Variants in NYAP2 observed in about 807,000 individuals in gnomAD.
The protein encoded by NYAP2 is neuronal tyrosine-phosphorylated phosphoinositide-3-kinase adapter 2.
In NYAP2, 23 loss-of-function variants were observed where a neutral mutation model predicts 50.4. The observed-to-expected ratio is 0.46, with a 90% CI of 0.33 to 0.65. The LOEUF is 0.65. Ranked by LOEUF, NYAP2 falls within the 30% of genes least tolerant of loss-of-function variation. The pLI is 0.02. For synonymous variants in NYAP2, 394 were observed against 365.2 expected, an observed-to-expected ratio of 1.08 and a Z score of -0.90; for missense variants, 885 against 861.0, an observed-to-expected ratio of 1.03 and a Z score of -0.35.
rs565596766 is a variant in NYAP2 at position 225,432,047 on chromosome 2, G to A, written c.221+22946G>A. ...TGCAGTGGCACGCTCTCGGCTCACT[G>A]CAAGCTCCGTCTCCCAGGTTCATGC... On this transcript the variant is annotated intron_variant, in intron 3 of 6. Coordinates refer to ENST00000636099, the Ensembl canonical transcript of NYAP2. Among the ~76,000 whole-genome samples, 161 of 151,956 alleles carry A rather than the reference G, an allele frequency of 1.1e-3. 2 individuals carry two copies. Among genetic ancestry groups the A allele is most frequent in the Middle Eastern group, 6.9e-3 (2 of 288 alleles).
At chr2:225,527,390 G>A (rs753274055) in intron 4 of NYAP2, among the ~76,000 whole-genome samples, 3 of 152,174 alleles carry the variant, frequency 2.0e-5, no homozygotes, top group Admixed American at 2.0e-4. Flanking sequence ...GTCAGCTCAG[G>A]ATTTTCCAAG....
upstream of NYAP2, among the ~76,000 whole-genome samples, chr2:225,398,972 TAGAC>T (rs1314997321): frequency 3.9e-5 from 6 of 152,108 alleles, no homozygotes; most frequent in Admixed American, 1.3e-4. Flanking sequence ...ATTTAAGAAT[TAGAC>T]AGGTGAACTT....
intron 6 of NYAP2, among the ~76,000 whole-genome samples, chr2:225,635,929 A>T (rs1469130499): frequency 1.3e-5 from 2 of 152,238 alleles, no homozygotes; most frequent in South Asian, 2.1e-4. Flanking sequence ...GCAAATGTGT[A>T]CATCTTCTCT....
At chr2:225,626,419 C>A (rs560392193) in intron 5 of NYAP2, among the ~76,000 whole-genome samples, 76 of 152,192 alleles carry the variant, frequency 5.0e-4, no homozygotes, top group African/African-American at 1.8e-3. Context: ...CAGAACAGGA[C>A]ACAGGAGGAT....
intron 5 of NYAP2, among the ~76,000 whole-genome samples, chr2:225,612,470 C>T (rs1692906933): frequency 6.6e-6 from 1 of 152,034 alleles, no homozygotes; most frequent in African/African-American, 2.4e-5. Flanking sequence ...CGTTGAGACC[C>T]TTGGTGAGTT....
rs144639911 is a variant in NYAP2, at chr2:225,432,393, G to T, written c.221+23292G>T. ...TATATATATATGTTCAGATTTGATA[G>T]AAAAGGCAGTGTAAATAAAATCAAC... On this transcript the variant is annotated intron_variant, in intron 3 of 6. Transcript: ENST00000636099. Among the ~76,000 whole-genome samples the T allele has an allele frequency of 5.7e-3, 858 of 150,368 alleles. 8 individuals are homozygous for T. The highest frequency in any genetic ancestry group is 0.02 in the African/African-American group (802 of 41,128).
intron 4 of NYAP2, among the ~76,000 whole-genome samples, chr2:225,552,282 A>G (rs1377217025): frequency 6.6e-6 from 1 of 152,206 alleles, no homozygotes; most frequent in African/African-American, 2.4e-5. Context: ...ACTTGAACAC[A>G]TAGAATTTCA....
At chr2:225,649,606 G>A (rs975444873) in intron 6 of NYAP2, among the ~76,000 whole-genome samples, 1 of 152,184 alleles carries the variant, frequency 6.6e-6, no homozygotes, top group Non-Finnish European at 1.5e-5. Flanking sequence ...CTGGGCTCAA[G>A]TGATCCACCC....
At chr2:225,504,142 T>C (rs1005029436) in intron 3 of NYAP2, among the ~76,000 whole-genome samples, 5 of 152,192 alleles carry the variant, frequency 3.3e-5, no homozygotes, top group African/African-American at 1.2e-4. Flanking sequence ...GCTGCTAGGA[T>C]AAATACCACA....
chr2:225,649,783 A>G (rs2106271491), intron 6 of NYAP2, among the ~76,000 whole-genome samples: 1 of 152,354 alleles, frequency 6.6e-6, no homozygotes, highest in East Asian at 1.9e-4. Flanking sequence ...AGTAGGCATA[A>G]AATACATAGA....
intron 3 of NYAP2, among the ~76,000 whole-genome samples, chr2:225,455,269 G>T (rs369092382): frequency 6.6e-6 from 1 of 152,284 alleles, no homozygotes; most frequent in African/African-American, 2.4e-5. Context: ...CTGATAGTTG[G>T]TTACAGCAGC....
intron 3 of NYAP2, among the ~76,000 whole-genome samples, chr2:225,500,534 G>T (rs1221743485): frequency 1.3e-5 from 2 of 152,142 alleles, no homozygotes; most frequent in African/African-American, 2.4e-5. Context: ...GCATTTCACT[G>T]TGCTCAAATA....
intron 4 of NYAP2, among the ~76,000 whole-genome samples, chr2:225,552,987 C>A (rs1258276595): frequency 2.0e-5 from 3 of 152,174 alleles, no homozygotes; most frequent in Non-Finnish European, 4.4e-5. Context: ...CCGTGCCCAG[C>A]CAACTTTTTG....
the NYAP2 span, among the ~76,000 whole-genome samples, chr2:225,672,001 A>G: frequency 6.6e-6 from 1 of 151,572 alleles, no homozygotes; most frequent in Non-Finnish European, 1.5e-5. Context: ...TTTTTTTTTC[A>G]TTTCTAGAGC....
chr2:225,686,705 G>A, the NYAP2 span, among the ~76,000 whole-genome samples: 6 of 152,110 alleles, frequency 3.9e-5, no homozygotes, highest in African/African-American at 1.4e-4. Flanking sequence ...GTATATGGAG[G>A]TTCTACCAGT....
intron 5 of NYAP2, among the ~76,000 whole-genome samples, chr2:225,592,672 C>T (rs1321064432): frequency 6.6e-6 from 1 of 152,082 alleles, no homozygotes; most frequent in Non-Finnish European, 1.5e-5. Context: ...CTGTTTTTCT[C>T]ATTTAGTTTA....
At chr2:225,684,778 C>T in the NYAP2 span, among the ~76,000 whole-genome samples, 5 of 152,130 alleles carry the variant, frequency 3.3e-5, no homozygotes, top group African/African-American at 7.2e-5. Context: ...CTCGAACTCC[C>T]GGCCTCAGGT....
chr2:225,599,186 T>C (rs1692656997), intron 5 of NYAP2, among the ~76,000 whole-genome samples: 1 of 152,158 alleles, frequency 6.6e-6, no homozygotes, highest in African/African-American at 2.4e-5. Flanking sequence ...CCCAGGGGAA[T>C]TGTGAGATGC....
At chr2:225,412,512 G>T (rs186002300) in intron 3 of NYAP2, among the ~76,000 whole-genome samples, 1 of 151,948 alleles carries the variant, frequency 6.6e-6, no homozygotes, top group East Asian at 1.9e-4. Flanking sequence ...AATATATAAT[G>T]AATGAATGAA....
Sources: gnomAD v4.1 joint callset for allele counts (sites outside exome capture counted in the v4.1 genomes callset) on GRCh38, gnomAD v4.1.1 for gene constraint, MANE v1.5 for transcripts, NCBI Gene and HGNC (gene_info 2026-07-23, HGNC 2026-07-21) for gene names.